Variants in APBA1 observed in about 807,000 individuals in gnomAD.
APBA1 encodes amyloid-beta A4 precursor protein-binding family A member 1.
Under a neutral mutation model 86.6 loss-of-function variants are expected in APBA1, and 55 were observed. The ratio of observed to expected loss-of-function variants is 0.64; its 90% CI spans 0.51 to 0.80. APBA1 has a LOEUF of 0.80. Ranked by LOEUF, APBA1 falls within the 30% of genes least tolerant of loss-of-function variation. The pLI is 0.00. For missense variants in APBA1, 1,090 were observed against 1,183.0 expected (o/e 0.92, Z 1.15); for synonymous variants, 511 against 493.9 (o/e 1.03, Z -0.46).
chr9:69,565,893 T>C (rs1837018979), intron 1 of APBA1, among the ~76,000 whole-genome samples: 1 of 152,230 alleles, frequency 6.6e-6, no homozygotes, highest in African/African-American at 2.4e-5. Flanking sequence ...GTCCCTCCTC[T>C]GTTTAGAACG....
At chr9:69,576,504 C>T (rs1472092819) in intron 1 of APBA1, among the ~76,000 whole-genome samples, 1 of 152,188 alleles carries the variant, frequency 6.6e-6, no homozygotes, top group African/African-American at 2.4e-5. Context: ...GGCACATATA[C>T]ACCATGGAAT....
chr9:69,515,661 C>T (rs1836123843), intron 2 of APBA1, among the ~76,000 whole-genome samples: 1 of 140,704 alleles, frequency 7.1e-6, no homozygotes, highest in Admixed American at 7.8e-5. Context: ...AATTCTCGGG[C>T]CCCACTCCAT....
intron 11 of APBA1, among the ~76,000 whole-genome samples, chr9:69,439,684 C>G (rs9722283): frequency 0.056 from 8,583 of 152,200 alleles, 822 homozygotes; most frequent in African/African-American, 0.19. Context: ...ATCCATTCGT[C>G]TAATTTTTTT....
intron 1 of APBA1, among the ~76,000 whole-genome samples, chr9:69,610,855 A>C (rs534590950): frequency 6.6e-6 from 1 of 152,322 alleles, no homozygotes; most frequent in South Asian, 2.1e-4. Flanking sequence ...TTTTAAAATC[A>C]ATGGTCATAA....
At chr9:69,521,830 G>C (rs1564065599) in intron 1 of APBA1, among the ~76,000 whole-genome samples, 1 of 152,078 alleles carries the variant, frequency 6.6e-6, no homozygotes, top group Non-Finnish European at 1.5e-5. Context: ...TGTGGCGTGA[G>C]TAAGGGACAG....
At chr9:69,548,746 A>G (rs1231004522) in intron 1 of APBA1, among the ~76,000 whole-genome samples, 1 of 152,254 alleles carries the variant, frequency 6.6e-6, no homozygotes, top group Non-Finnish European at 1.5e-5. Flanking sequence ...ACATGCCCTC[A>G]GGGCTGGCCA....
rs766553712 is a variant in APBA1 at position 69,516,503 on chromosome 9, G to A, written c.708C>T (p.His236=). The A allele has an allele frequency of 3.1e-6, 5 of 1,597,146 alleles. No homozygotes were observed. The highest frequency in any genetic ancestry group is 4.2e-6 in the Non-Finnish European group (5 of 1,177,332). ...YRQEALGARL[H]HYDERSDGES... is the part of the protein sequence containing the mutation. ...CGCCGTCGGAGCGCTCGTCGTAATG[G>A]TGCAGCCGCGCGCCCAGGGCCTCCT... The change falls in exon 2 of 13, where the codon CAC becomes CAT. Residue 236 remains histidine (H), a synonymous_variant. Transcript: ENST00000265381. The surrounding 1 kb of genome is among the most constrained non-coding windows in gnomAD (Gnocchi z 7.3).
At chr9:69,511,348 A>G (rs1836036011) in intron 2 of APBA1, among the ~76,000 whole-genome samples, 1 of 152,250 alleles carries the variant, frequency 6.6e-6, no homozygotes, top group Admixed American at 6.5e-5. Flanking sequence ...GCCATCAGAG[A>G]AATGCAAATC....
intron 10 of APBA1, among the ~76,000 whole-genome samples, chr9:69,448,221 T>G (rs1219458568): frequency 6.6e-6 from 1 of 152,232 alleles, no homozygotes; most frequent in Non-Finnish European, 1.5e-5. Flanking sequence ...GTCCATCTAA[T>G]CACTTGTAGC....
chr9:69,445,902 A>G (rs1834899444), intron 10 of APBA1, among the ~76,000 whole-genome samples: 1 of 152,166 alleles, frequency 6.6e-6, no homozygotes, highest in Non-Finnish European at 1.5e-5. Context: ...AAAGCCTGCC[A>G]AAAATGCAGA....
intron 1 of APBA1, among the ~76,000 whole-genome samples, chr9:69,530,236 T>C (rs1836403694): frequency 6.6e-6 from 1 of 151,020 alleles, no homozygotes; most frequent in Non-Finnish European, 1.5e-5. Flanking sequence ...CTATTCACAA[T>C]AGCAAAGTTA....
At chr9:69,593,813 C>G (rs534812481) in intron 1 of APBA1, among the ~76,000 whole-genome samples, 10 of 152,076 alleles carry the variant, frequency 6.6e-5, no homozygotes, top group Non-Finnish European at 1.0e-4. Flanking sequence ...AAAAAGGAAA[C>G]CTTTTATTAG....
rs1822572813 is a variant in APBA1, at chr9:69,610,907, C to G, written c.-70+61246G>C. Reference sequence around the variant, plus strand: ...TCCCCAAGCTTGTTTTTTCTTAGAACTGAATTAAAAAATGCAATCAACTAT... The same window carrying G: ...TCCCCAAGCTTGTTTTTTCTTAGAAGTGAATTAAAAAATGCAATCAACTAT... On this transcript the variant is annotated intron_variant, in intron 1 of 12. Transcript: ENST00000265381. Among the ~76,000 whole-genome samples, 3 of 151,976 alleles carry G rather than the reference C, an allele frequency of 2.0e-5. No individual in the cohort carries two copies. The South Asian group carries it at 6.2e-4, about 31-fold the overall frequency.
At chr9:69,649,859 G>A (rs1033979760) in intron 1 of APBA1, among the ~76,000 whole-genome samples, 1 of 152,124 alleles carries the variant, frequency 6.6e-6, no homozygotes, top group Admixed American at 6.5e-5. Context: ...GGGGTAGGGT[G>A]GGGAAAGTAT....
chr9:69,473,877 ATC>A, intron 3 of APBA1, among the ~76,000 whole-genome samples: 1 of 152,310 alleles, frequency 6.6e-6, no homozygotes, highest in Admixed American at 6.5e-5. Context: ...AAATGAAAGA[ATC>A]TCTAATTATT....
At chr9:69,521,851 G>A (rs534725105) in intron 1 of APBA1, among the ~76,000 whole-genome samples, 53 of 152,112 alleles carry the variant, frequency 3.5e-4, no homozygotes, top group African/African-American at 1.2e-3. Context: ...TGTGATGGGC[G>A]ATGAGGACAA....
At chr9:69,514,718 G>T (rs532464305) in intron 2 of APBA1, among the ~76,000 whole-genome samples, 1 of 152,114 alleles carries the variant, frequency 6.6e-6, no homozygotes, top group South Asian at 2.1e-4. Context: ...AGACCAGCCT[G>T]GCCAACGTTA....
At chr9:69,638,449 C>A (rs1223651136) in intron 1 of APBA1, among the ~76,000 whole-genome samples, 1 of 152,150 alleles carries the variant, frequency 6.6e-6, no homozygotes, top group East Asian at 1.9e-4. Flanking sequence ...CCATGTTGGC[C>A]AGGCTGATCT....
chr9:69,433,808 C>CTTTT (rs35255395), intron 11 of APBA1, among the ~76,000 whole-genome samples: 3 of 128,430 alleles, frequency 2.3e-5, no homozygotes, highest in Non-Finnish European at 3.3e-5. Context: ...TTACCTAGGA[C>CTTTT]TTTTTTTTTT....
Sources: gnomAD v4.1 joint callset for allele counts (sites outside exome capture counted in the v4.1 genomes callset) on GRCh38, gnomAD v4.1.1 for gene constraint, Gnocchi (gnomAD v3.1) non-coding constraint, MANE v1.5 for transcripts, NCBI Gene and HGNC (gene_info 2026-07-23, HGNC 2026-07-21) for gene names.